The following GNAQ variants were observed in gnomAD, a reference collection of about 807,000 sequenced individuals.
GNAQ encodes guanine nucleotide-binding protein G(q) subunit alpha.
A neutral mutation model predicts 43.9 loss-of-function variants in GNAQ; 8 were observed. The observed-to-expected ratio is 0.18, with a 90% confidence interval of 0.11 to 0.33. The LOEUF (loss-of-function observed/expected upper bound fraction) is 0.33, where lower values mean the gene tolerates loss of function less well. GNAQ is among the 10% of genes least tolerant of loss of function. The probability of loss-of-function intolerance (pLI) is 1.00; values close to 1 mark genes in which losing one functional copy is unlikely to be tolerated. For missense variants in GNAQ, 158 were observed against 450.8 expected, an observed-to-expected ratio of 0.35 and a Z score of 5.88; for synonymous variants, 155 against 170.7, an observed-to-expected ratio of 0.91 and a Z score of 0.71.
chr9:77,821,376 A>AT lies in GNAQ; in HGVS notation c.322-5607dup, dbSNP rs1020637000. ...ACCCCTCCTTTATTGTTTAAAATAT[A>AT]TTTTTTTTTCTTTTCAGAGAACTCA... On this transcript the variant is annotated intron_variant, in intron 2 of 6. Coordinates refer to ENST00000286548, the MANE Select transcript of GNAQ (RefSeq NM_002072.5). Among the ~76,000 whole-genome samples the AT allele has an allele frequency of 4.6e-4, 70 of 151,304 alleles. No individual in the cohort carries two copies. In the East Asian group the frequency reaches 9.7e-3, roughly 21 times the overall value.
At chr9:77,825,971 A>T (rs1827189590) in intron 2 of GNAQ, among the ~76,000 whole-genome samples, 1 of 152,164 alleles carries the variant, frequency 6.6e-6, no homozygotes, top group African/African-American at 2.4e-5. Flanking sequence ...ATCTAAAATT[A>T]AGAGCTTTAG....
At chr9:77,904,489 C>T (rs898942782) in intron 2 of GNAQ, among the ~76,000 whole-genome samples, 4 of 151,760 alleles carry the variant, frequency 2.6e-5, no homozygotes, top group African/African-American at 7.3e-5. Context: ...TCTACCACCA[C>T]GCCTGGCTAC....
intron 1 of GNAQ, among the ~76,000 whole-genome samples, chr9:77,930,415 C>T (rs776910387): frequency 5.9e-5 from 9 of 152,112 alleles, no homozygotes; most frequent in Non-Finnish European, 1.0e-4. Context: ...AAAATTAATG[C>T]TCATTTACAA....
At chr9:77,970,110 T>C (rs532594260) in intron 1 of GNAQ, among the ~76,000 whole-genome samples, 1 of 152,016 alleles carries the variant, frequency 6.6e-6, no homozygotes, top group Non-Finnish European at 1.5e-5. Context: ...TCCCAGCTAC[T>C]TGGGAGGCTG....
intron 1 of GNAQ, among the ~76,000 whole-genome samples, chr9:77,948,821 C>G (rs1822938859): frequency 6.6e-6 from 1 of 152,106 alleles, no homozygotes; most frequent in Admixed American, 6.5e-5. Flanking sequence ...AGGACATGAA[C>G]AGACAAACAC....
At chr9:77,854,737 T>C (rs1827724605) in intron 2 of GNAQ, among the ~76,000 whole-genome samples, 1 of 152,198 alleles carries the variant, frequency 6.6e-6, no homozygotes, top group South Asian at 2.1e-4. Flanking sequence ...TGGAGCAGTG[T>C]ACCTAATGCA....
intron 1 of GNAQ, among the ~76,000 whole-genome samples, chr9:77,945,855 C>A (rs1374571717): frequency 6.6e-6 from 1 of 152,172 alleles, no homozygotes; most frequent in Non-Finnish European, 1.5e-5. Flanking sequence ...AGACTGCCTC[C>A]TCGTTTATAA....
At chr9:77,785,983 G>A (rs1826470184) in intron 5 of GNAQ, among the ~76,000 whole-genome samples, 1 of 152,128 alleles carries the variant, frequency 6.6e-6, no homozygotes, top group Admixed American at 6.6e-5. Flanking sequence ...TGGTATAGCA[G>A]AAGCAGATCA....
At chr9:77,926,600 G>C (rs1829076094) in intron 1 of GNAQ, among the ~76,000 whole-genome samples, 1 of 152,062 alleles carries the variant, frequency 6.6e-6, no homozygotes, top group Non-Finnish European at 1.5e-5. Context: ...CTAGGGGAGG[G>C]ATAAGGATCT....
At chr9:77,793,496 C>T (rs1039012984) in intron 5 of GNAQ, among the ~76,000 whole-genome samples, 1 of 152,054 alleles carries the variant, frequency 6.6e-6, no homozygotes, top group African/African-American at 2.4e-5. Flanking sequence ...TTTAAAAGAA[C>T]CAGTCAGGAA....
chr9:77,769,722 T>C (rs891957248), intron 5 of GNAQ, among the ~76,000 whole-genome samples: 2 of 149,288 alleles, frequency 1.3e-5, no homozygotes, highest in African/African-American at 2.5e-5. Context: ...TGGAGTGCAG[T>C]GGCGCGATCT....
At chr9:77,974,159 C>CT (rs1823271601) in intron 1 of GNAQ, among the ~76,000 whole-genome samples, 1 of 152,114 alleles carries the variant, frequency 6.6e-6, no homozygotes. Flanking sequence ...CACAAAGAAA[C>CT]TTTAAGACAC....
At chr9:77,804,572 CAA>C (rs1017909255) in intron 3 of GNAQ, among the ~76,000 whole-genome samples, 1 of 152,014 alleles carries the variant, frequency 6.6e-6, no homozygotes, top group Non-Finnish European at 1.5e-5. Flanking sequence ...CACCAAAAGG[CAA>C]AAAGTACCTG....
At chr9:77,896,087 G>T (rs1828498750) in intron 2 of GNAQ, among the ~76,000 whole-genome samples, 1 of 152,156 alleles carries the variant, frequency 6.6e-6, no homozygotes, top group South Asian at 2.1e-4. Context: ...AGTGGTAGAA[G>T]ACATGCTGGA....
chr9:77,789,471 T>C (rs1307590535), intron 5 of GNAQ, among the ~76,000 whole-genome samples: 1 of 152,092 alleles, frequency 6.6e-6, no homozygotes, highest in Non-Finnish European at 1.5e-5. Context: ...ATTCTCAAAC[T>C]GAAGGCTTAT....
intron 1 of GNAQ, among the ~76,000 whole-genome samples, chr9:77,962,542 T>C (rs1338248119): frequency 2.6e-5 from 4 of 152,102 alleles, no homozygotes; most frequent in East Asian, 1.9e-4. Flanking sequence ...AGATACACCA[T>C]GCTAACACTA....
At chr9:77,938,724 C>G (rs1428298026) in intron 1 of GNAQ, among the ~76,000 whole-genome samples, 1 of 152,132 alleles carries the variant, frequency 6.6e-6, no homozygotes, top group African/African-American at 2.4e-5. Flanking sequence ...AGAAGGAAAA[C>G]TGGTGAAGTG....
chr9:77,791,277 C>G (rs1388708640), intron 5 of GNAQ, among the ~76,000 whole-genome samples: 1 of 152,078 alleles, frequency 6.6e-6, no homozygotes, highest in East Asian at 1.9e-4. Flanking sequence ...ATTCATGAAA[C>G]AGAAAATCAG....
intron 2 of GNAQ, among the ~76,000 whole-genome samples, chr9:77,872,178 G>A (rs1055464381): frequency 5.3e-5 from 8 of 152,200 alleles, no homozygotes; most frequent in African/African-American, 1.7e-4. Context: ...AATGAGCTAA[G>A]TAATTGCAAC....
Sources: allele counts gnomAD v4.1 joint callset (sites outside exome capture counted in the v4.1 genomes callset), GRCh38; gene constraint gnomAD v4.1.1; transcripts MANE v1.5; gene names NCBI Gene and HGNC (gene_info 2026-07-23, HGNC 2026-07-21).